Variants in AK5 observed in about 807,000 individuals in gnomAD.
The protein encoded by AK5 is adenylate kinase 5.
Under a neutral mutation model 69.5 loss-of-function variants are expected in AK5, and 27 were observed. The observed-to-expected ratio is 0.39, with a 90% CI of 0.29 to 0.54. The LOEUF is 0.54. Ranked by LOEUF, AK5 falls within the 20% of genes least tolerant of loss-of-function variation. The pLI, the probability that AK5 is intolerant of heterozygous loss-of-function variation, is 0.71. For missense variants in AK5, 531 were observed against 700.4 expected, an observed-to-expected ratio of 0.76 and a Z score of 2.73; for synonymous variants, 260 against 244.4, an observed-to-expected ratio of 1.06 and a Z score of -0.60.
chr1:77,395,045 G>A (rs1420114616), intron 6 of AK5, among the ~76,000 whole-genome samples: 7 of 143,542 alleles, frequency 4.9e-5, no homozygotes, highest in Non-Finnish European at 1.1e-4. Context: ...TGTTCCTGCA[G>A]TGAAAGAAGG....
chr1:77,285,426 A>G (rs1658297186), intron 1 of AK5, among the ~76,000 whole-genome samples: 1 of 152,234 alleles, frequency 6.6e-6, no homozygotes, highest in Admixed American at 6.5e-5. Context: ...TTCAGAAAAC[A>G]AATGTACCTA....
intron 5 of AK5, among the ~76,000 whole-genome samples, chr1:77,300,667 C>T (rs145703960): frequency 2.0e-5 from 3 of 152,302 alleles, no homozygotes; most frequent in African/African-American, 7.2e-5. Flanking sequence ...TCAACTTGGA[C>T]ACTATCCAGA....
chr1:77,316,892 A>T (rs140826290), intron 5 of AK5, among the ~76,000 whole-genome samples: 6 of 152,350 alleles, frequency 3.9e-5, no homozygotes, highest in African/African-American at 1.4e-4. Flanking sequence ...TCAATATCCA[A>T]ACTTTGTGTA....
At chr1:77,391,525 A>ATC (rs1553144178) in intron 6 of AK5, among the ~76,000 whole-genome samples, 6 of 121,712 alleles carry the variant, frequency 4.9e-5, no homozygotes, top group African/African-American at 1.8e-4. Context: ...ATATATATAT[A>ATC]TATCTCCTCA....
chr1:77,287,069 A>T lies in AK5; in HGVS notation c.189A>T (p.Glu63Asp). ...KVKWDTFVSQEKKTLPPLNGG... is the reference protein window; with the variant it reads ...KVKWDTFVSQDKKTLPPLNGG... ...AATGGGATACATTTGTAAGCCAGGA[A>T]AAGAAGACCTTACCTCCACTAAATG... Residue 63 changes from glutamate to aspartate, a missense_variant, in exon 2 of 14, where the codon GAA becomes GAT. Transcript: ENST00000354567. The T allele has an allele frequency of 6.2e-7, 1 of 1,609,566 alleles. No homozygotes were observed. The highest frequency in any genetic ancestry group is 1.3e-5 in the African/African-American group (1 of 74,806).
intron 5 of AK5, among the ~76,000 whole-genome samples, chr1:77,312,151 A>G (rs1247846087): frequency 1.3e-5 from 2 of 152,194 alleles, no homozygotes; most frequent in African/African-American, 4.8e-5. Flanking sequence ...GTTTAAATAC[A>G]TGATTACAAT....
At chr1:77,313,054 C>T (rs1317635969) in intron 5 of AK5, among the ~76,000 whole-genome samples, 3 of 152,240 alleles carry the variant, frequency 2.0e-5, no homozygotes, top group Middle Eastern at 6.8e-3. Context: ...TATTTATAGA[C>T]ACTGATTGAT....
chr1:77,345,610 C>T (rs1460766672), intron 6 of AK5, among the ~76,000 whole-genome samples: 1 of 152,174 alleles, frequency 6.6e-6, no homozygotes, highest in Non-Finnish European at 1.5e-5. Flanking sequence ...GGGAAACACT[C>T]ATCACAAACC....
At chr1:77,500,475 G>T (rs1443402107) in intron 10 of AK5, among the ~76,000 whole-genome samples, 1 of 152,040 alleles carries the variant, frequency 6.6e-6, no homozygotes, top group African/African-American at 2.4e-5. Context: ...TGTTGATAAA[G>T]TGTCCATTAA....
intron 8 of AK5, among the ~76,000 whole-genome samples, chr1:77,470,860 TATA>T (rs1654449229): frequency 2.9e-4 from 1 of 3,406 alleles, no homozygotes; most frequent in African/African-American, 8.2e-4. Flanking sequence ...TATATATATA[TATA>T]TATATATATA....
chr1:77,528,890 G>C (rs1431383376), intron 12 of AK5, among the ~76,000 whole-genome samples: 1 of 152,124 alleles, frequency 6.6e-6, no homozygotes, highest in Non-Finnish European at 1.5e-5. Context: ...TAACTTTGTA[G>C]ATCTCCTTCT....
chr1:77,435,572 C>T (rs980311422), intron 8 of AK5, among the ~76,000 whole-genome samples: 1 of 150,608 alleles, frequency 6.6e-6, no homozygotes, highest in South Asian at 2.1e-4. Flanking sequence ...CGTTTGAACC[C>T]GGAAGGCAGA....
chr1:77,381,687 A>G lies in AK5; in HGVS notation c.892-29294A>G, dbSNP rs192263539. Among the ~76,000 whole-genome samples, 9 of 152,338 alleles carry G rather than the reference A, an allele frequency of 5.9e-5. No homozygotes were observed. The East Asian group carries it at 1.7e-3, about 29-fold the overall frequency. On this transcript the variant is annotated intron_variant, in intron 6 of 13. Coordinates refer to ENST00000354567, the MANE Select transcript of AK5 (RefSeq NM_174858.3). ...AAATCTGAACAATTTTCTTCAGCTTATAAATATTTGGGGTTCCCAGGTAAC... is the reference window on the plus strand; with the variant it reads ...AAATCTGAACAATTTTCTTCAGCTTGTAAATATTTGGGGTTCCCAGGTAAC...
At chr1:77,534,468 C>T (rs944182939) in intron 12 of AK5, among the ~76,000 whole-genome samples, 5 of 152,162 alleles carry the variant, frequency 3.3e-5, no homozygotes, top group Admixed American at 3.3e-4. Context: ...GAACCTAAGC[C>T]TCATAGAGGA....
At chr1:77,402,001 A>T (rs1239694393) in intron 6 of AK5, among the ~76,000 whole-genome samples, 1 of 152,220 alleles carries the variant, frequency 6.6e-6, no homozygotes, top group South Asian at 2.1e-4. Context: ...GTCCTTAGGA[A>T]TAAGAAAAGG....
chr1:77,558,569 A>T (rs1307614550), intron 13 of AK5, 33 bp from the exon 14 acceptor site: 3 of 1,300,886 alleles, frequency 2.3e-6, no homozygotes, highest in Admixed American at 1.8e-5. Context: ...CAGATATTTC[A>T]GACTAACTCT....
At chr1:77,302,552 G>A (rs1659402133) in intron 5 of AK5, among the ~76,000 whole-genome samples, 1 of 152,174 alleles carries the variant, frequency 6.6e-6, no homozygotes, top group South Asian at 2.1e-4. Context: ...TAGAAAGGCA[G>A]CATCCTTAGT....
In AK5 at chr1:77,559,259, A is replaced by AAAT. The variant is rs1367663711; in HGVS notation, c.*591_*593dup. 1.3e-5 allele frequency: 2 copies of AAAT among 152,224 alleles called. No individual in the cohort carries two copies. Among genetic ancestry groups the AAAT allele is most frequent in the Non-Finnish European group, 2.9e-5 (2 of 68,044 alleles). The allele number at this position is 152,224 out of a possible 1,614,324, so 9.4% of individuals were successfully genotyped here. On this transcript the variant is annotated 3_prime_UTR_variant, in exon 14 of 14. Coordinates refer to ENST00000354567, the MANE Select transcript of AK5 (RefSeq NM_174858.3). ...CAAGTAAAATTTGACAGAAATTTTA[A>AAAT]AATATGAAGATGTATAGCTTTCCCA...
chr1:77,292,601 G>C lies in AK5; in HGVS notation c.248-1192G>C, dbSNP rs183476310. Among the ~76,000 whole-genome samples the C allele has an allele frequency of 9.1e-4, 138 of 152,226 alleles. 1 individual carries two copies. Among genetic ancestry groups the C allele is most frequent in the African/African-American group, 3.1e-3 (130 of 41,540 alleles). ...TACTGACCCCTGAGGTAAAGAAGAG[G>C]GAGCCATAAACTATATATCGACAAC... On this transcript the variant is annotated intron_variant, in intron 2 of 13. Coordinates refer to ENST00000354567, the MANE Select transcript of AK5 (RefSeq NM_174858.3).
Sources: gnomAD v4.1 joint callset for allele counts (sites outside exome capture counted in the v4.1 genomes callset) on GRCh38, gnomAD v4.1.1 for gene constraint, MANE v1.5 for transcripts, NCBI Gene and HGNC (gene_info 2026-07-23, HGNC 2026-07-21) for gene names.